The following MAP2K5 variants were observed in gnomAD, a reference collection of about 807,000 sequenced individuals.
MAP2K5 encodes the protein mitogen-activated protein kinase kinase 5.
Under a neutral mutation model 83.1 loss-of-function variants are expected in MAP2K5, and 49 were observed. The ratio of observed to expected loss-of-function variants is 0.59; its 90% CI spans 0.47 to 0.75. The LOEUF is 0.75. Among genes scored for constraint, MAP2K5 ranks in the 30% least tolerant of loss-of-function variants. The pLI is 0.00. For synonymous variants in MAP2K5, 202 were observed against 191.8 expected, an observed-to-expected ratio of 1.05 and a Z score of -0.44; for missense variants, 457 against 557.5, an observed-to-expected ratio of 0.82 and a Z score of 1.82.
chr15:67,624,121 C>G (rs1168352955), intron 8 of MAP2K5, among the ~76,000 whole-genome samples: 1 of 151,152 alleles, frequency 6.6e-6, no homozygotes, highest in Non-Finnish European at 1.5e-5. Flanking sequence ...GGGCTGATCA[C>G]AAGGTCAGGA....
intron 7 of MAP2K5, among the ~76,000 whole-genome samples, chr15:67,599,986 C>T (rs565525004): frequency 1.4e-5 from 2 of 141,550 alleles, no homozygotes; most frequent in South Asian, 4.9e-4. Context: ...CCTTGAAAAA[C>T]ATGCAAACTT....
Position 67,563,430 on chromosome 15 carries a change from G to A in MAP2K5, c.252+80G>A, listed in dbSNP as rs1420512109. The stretch of plus-strand genomic sequence containing the variant: ...GCTGTTTCTTGGGCATAGTGAAGAC[G>A]AGTAAATAAATCACAGTTGTCATAC... On this transcript the variant is annotated intron_variant, in intron 3 of 21. Transcript: ENST00000178640. This position sits in a 1 kb window ranked among gnomAD's most constrained non-coding sequence, Gnocchi z 4.5. 12 of 1,496,958 alleles carry A rather than the reference G, an allele frequency of 8.0e-6. No homozygotes were observed. The highest frequency in any genetic ancestry group is 6.6e-5 in the Admixed American group (3 of 45,470). The allele number at this position is 1,496,958 out of a possible 1,614,324, so 92.7% of individuals were successfully genotyped here.
Position 67,750,995 on chromosome 15 carries a change from A to G in MAP2K5, c.1134+2394A>G, listed in dbSNP as rs969696627. On this transcript the variant is annotated intron_variant, in intron 19 of 21. Transcript: ENST00000178640. This position sits in a 1 kb window ranked among gnomAD's most constrained non-coding sequence, Gnocchi z 4.2. ...TAGCTATCGCAAAGCCCAGTGTAACATATTTTCTTATTATGTGGATTCAGC... is the reference window on the plus strand; with the variant it reads ...TAGCTATCGCAAAGCCCAGTGTAACGTATTTTCTTATTATGTGGATTCAGC... Among the ~76,000 whole-genome samples the G allele has an allele frequency of 6.6e-6, 1 of 152,154 alleles. No individual in the cohort carries two copies. The highest frequency in any genetic ancestry group is 1.5e-5 in the Non-Finnish European group (1 of 68,026).
chr15:67,621,309 C>T (rs1369742411), intron 8 of MAP2K5, among the ~76,000 whole-genome samples: 1 of 151,326 alleles, frequency 6.6e-6, no homozygotes, highest in African/African-American at 2.4e-5. Flanking sequence ...GGTTTATATA[C>T]ACACCTTAGT....
rs767323999 is a variant in MAP2K5, at chr15:67,543,352, T to C, written c.17T>C (p.Leu6Pro). Residue 6 changes from leucine (L) to proline (P), a missense_variant, in exon 1 of 22, where the codon CTT becomes CCT. Around this residue, in one of 3 missense-constraint regions of MAP2K5, gnomAD observed 234 missense variants for 243.6 expected, o/e 0.96. Coordinates refer to ENST00000178640, the MANE Select transcript of MAP2K5 (RefSeq NM_145160.3). This position sits in a 1 kb window ranked among gnomAD's most constrained non-coding sequence, Gnocchi z 4.3. Reference sequence around the variant, plus strand: ...TAACCTGTAATGCTGTGGCTAGCCCTTGGCCCCTTTCCTGCCATGGAGAAC... The same window carrying C: ...TAACCTGTAATGCTGTGGCTAGCCCCTGGCCCCTTTCCTGCCATGGAGAAC... The part of the protein sequence containing the change: MLWLA[L>P]GPFPAMENQV... 1.9e-6 allele frequency: 3 copies of C among 1,614,232 alleles called. No individual in the cohort carries two copies. Among genetic ancestry groups the C allele is most frequent in the Non-Finnish European group, 1.7e-6 (2 of 1,180,048 alleles).
Position 67,748,188 on chromosome 15 carries a change from C to T in MAP2K5, c.1075-43C>T. 6.8e-7 allele frequency: 1 copy of T among 1,475,034 alleles called. No individual in the cohort carries two copies. Among genetic ancestry groups the T allele is most frequent in the Non-Finnish European group, 9.5e-7 (1 of 1,056,838 alleles). The allele number at this position is 1,475,034 out of a possible 1,614,324, so 91.4% of individuals were successfully genotyped here. A position where few individuals can be genotyped will look rare whatever the true frequency, so the allele number is the denominator to read the frequency against. On this transcript the variant is annotated intron_variant, in intron 17 of 21. Transcript: ENST00000178640. The surrounding 1 kb of genome is among the most constrained non-coding windows in gnomAD (Gnocchi z 4.0). ...GTGATCATAATGTGTCCAAGTGAGT[C>T]ATTTTGATTATGACATGCTAATTAC...
At chr15:67,613,399 C>T (rs139730027) in intron 8 of MAP2K5, among the ~76,000 whole-genome samples, 220 of 152,222 alleles carry the variant, frequency 1.4e-3, no homozygotes, top group African/African-American at 5.0e-3. Context: ...TTGTTTCATT[C>T]GGTCAGAGAG....
At chr15:67,701,130 A>G (rs1245022117) in intron 15 of MAP2K5, among the ~76,000 whole-genome samples, 1 of 152,090 alleles carries the variant, frequency 6.6e-6, no homozygotes, top group East Asian at 1.9e-4. Context: ...GTTAATCAGT[A>G]GAATGAAGAA....
At position 67,782,983 on chromosome 15, in the gene MAP2K5, G is replaced by A. The variant is rs2090354515; in HGVS notation, c.1242+10231G>A. 6.6e-6 allele frequency among the ~76,000 whole-genome samples: 1 copy of A among 152,274 alleles called. No individual in the cohort carries two copies. The highest frequency in any genetic ancestry group is 1.5e-5 in the Non-Finnish European group (1 of 68,052). On this transcript the variant is annotated intron_variant, in intron 21 of 21. Coordinates refer to ENST00000178640, the MANE Select transcript of MAP2K5 (RefSeq NM_145160.3). This position sits in a 1 kb window ranked among gnomAD's most constrained non-coding sequence, Gnocchi z 4.9. ...AGTGGGTTAAGCACCGAAGGAAGGT[G>A]TAAGGATGGCTTTTAGGGGACTGGC...
At chr15:67,667,565 T>C (rs569365235) in intron 13 of MAP2K5, among the ~76,000 whole-genome samples, 2 of 152,196 alleles carry the variant, frequency 1.3e-5, no homozygotes, top group African/African-American at 4.8e-5. Context: ...TAATGAGTGA[T>C]CTATACCTCT....
chr15:67,693,964 C>G (rs568730015), intron 15 of MAP2K5, among the ~76,000 whole-genome samples: 80 of 151,340 alleles, frequency 5.3e-4, no homozygotes, highest in African/African-American at 1.8e-3. Context: ...GTCACCAGAT[C>G]AAAATTAAAT....
At position 67,703,424 on chromosome 15, in the gene MAP2K5, A is replaced by T. The variant is rs765312963; in HGVS notation, c.1044+16A>T. 1 of 1,601,900 alleles carries T rather than the reference A, an allele frequency of 6.2e-7. No individual in the cohort carries two copies. Among genetic ancestry groups the T allele is most frequent in the South Asian group, 1.1e-5 (1 of 90,752 alleles). ...TTTTATGGAGGTACGTTGTTTGCAC[A>T]TAGACGCTTCTGTGCATATCTGTAC... On this transcript the variant is annotated intron_variant, in intron 16 of 21. Coordinates refer to ENST00000178640, the MANE Select transcript of MAP2K5 (RefSeq NM_145160.3).
chr15:67,603,158 A>G (rs531909581), intron 8 of MAP2K5, among the ~76,000 whole-genome samples: 3 of 152,360 alleles, frequency 2.0e-5, no homozygotes, highest in Non-Finnish European at 2.9e-5. Flanking sequence ...ATTGTTGGCA[A>G]CTGTTAACAC....
chr15:67,709,873 C>T (rs2088647929), intron 16 of MAP2K5, among the ~76,000 whole-genome samples: 1 of 152,184 alleles, frequency 6.6e-6, no homozygotes, highest in East Asian at 1.9e-4. Context: ...TAAAAAGGCA[C>T]CAAGCCAGTC....
At position 67,724,376 on chromosome 15, in the gene MAP2K5, A is replaced by G. The variant is rs1655025319; in HGVS notation, c.1045-3540A>G. Among the ~76,000 whole-genome samples, 2 of 151,764 alleles carry G rather than the reference A, an allele frequency of 1.3e-5. No homozygotes were observed. The highest frequency in any genetic ancestry group is 2.9e-5 in the Non-Finnish European group (2 of 67,932). On this transcript the variant is annotated intron_variant, in intron 16 of 21. Transcript: ENST00000178640. This position sits in a 1 kb window ranked among gnomAD's most constrained non-coding sequence, Gnocchi z 4.4. ...TTTGACTTTTGACAGCCTCGTGGAG[A>G]ACTCGTTCTTTTTTATTTATTTATT...
At chr15:67,585,752 T>G in intron 4 of MAP2K5, 138 bp from the exon 5 acceptor site, 1 of 684,724 alleles carries the variant, frequency 1.5e-6, no homozygotes, top group South Asian at 1.7e-5. Flanking sequence ...ATTCCCACTT[T>G]GGGTCTTGGG....
Position 67,785,814 on chromosome 15 carries a change from G to C in MAP2K5, c.1242+13062G>C, listed in dbSNP as rs140473016. On this transcript the variant is annotated intron_variant, in intron 21 of 21. Coordinates refer to ENST00000178640, the MANE Select transcript of MAP2K5 (RefSeq NM_145160.3). The surrounding 1 kb of genome is among the most constrained non-coding windows in gnomAD (Gnocchi z 4.4). Reference sequence around the variant, plus strand: ...TTCAAAGCTTGCAAATCAGTCTATCGTGTGAATGTGAGCCAAGAAGCAACC... The same window carrying C: ...TTCAAAGCTTGCAAATCAGTCTATCCTGTGAATGTGAGCCAAGAAGCAACC... Among the ~76,000 whole-genome samples, 2 of 150,288 alleles carry C rather than the reference G, an allele frequency of 1.3e-5. No individual in the cohort carries two copies. Among genetic ancestry groups the C allele is most frequent in the Non-Finnish European group, 2.9e-5 (2 of 67,862 alleles).
At chr15:67,623,934 T>C (rs2086248377) in intron 8 of MAP2K5, among the ~76,000 whole-genome samples, 1 of 151,732 alleles carries the variant, frequency 6.6e-6, no homozygotes, top group South Asian at 2.1e-4. Context: ...ATTAGTCTTA[T>C]CTCATTGGAT....
At chr15:67,761,468 C>T (rs2089947606) in intron 19 of MAP2K5, among the ~76,000 whole-genome samples, 2 of 152,226 alleles carry the variant, frequency 1.3e-5, no homozygotes, top group African/African-American at 4.8e-5. Flanking sequence ...AACACTCATA[C>T]ACGCAGCCAC....
Sources: allele counts gnomAD v4.1 joint callset (sites outside exome capture counted in the v4.1 genomes callset), GRCh38; gene constraint gnomAD v4.1.1; regional missense constraint gnomAD v4.1.1; non-coding constraint Gnocchi (gnomAD v3.1); transcripts MANE v1.5; gene names NCBI Gene and HGNC (gene_info 2026-07-23, HGNC 2026-07-21).